PIAS2: variants seen among roughly 807,000 people sequenced by gnomAD.
The protein encoded by PIAS2 is E3 SUMO-protein ligase PIAS2.
A neutral mutation model predicts 69.7 loss-of-function variants in PIAS2; 19 were observed. The observed-to-expected ratio is 0.27, with a 90% CI of 0.19 to 0.40. The LOEUF (loss-of-function observed/expected upper bound fraction) is 0.40. Ranked by LOEUF, PIAS2 falls within the 10% of genes least tolerant of loss-of-function variation. The probability of loss-of-function intolerance (pLI) is 1.00; values close to 1 mark genes in which losing one functional copy is unlikely to be tolerated. For synonymous variants in PIAS2, 261 were observed against 263.2 expected (o/e 0.99, Z 0.08); for missense variants, 624 against 757.0 (o/e 0.82, Z 2.06).
chr18:46,905,211 T>C (rs2056441379), intron 1 of PIAS2, among the ~76,000 whole-genome samples: 1 of 152,090 alleles, frequency 6.6e-6, no homozygotes, highest in African/African-American at 2.4e-5. Flanking sequence ...CAAAATGCAA[T>C]TACAAATCAA....
rs548951733 is a variant in PIAS2 at position 46,874,871 on chromosome 18, G to A, written c.500-10623C>T. On this transcript the variant is annotated intron_variant, in intron 2 of 13. Coordinates refer to ENST00000585916, the MANE Select transcript of PIAS2 (RefSeq NM_004671.5). ...ATCAAAAGCTGGAAAGAAGGAAAAC[G>A]CGAACCAGCTTGGGAAGGACCCTAT... 1.4e-4 allele frequency among the ~76,000 whole-genome samples: 21 copies of A among 152,172 alleles called. No homozygotes were observed. The South Asian group carries it at 1.7e-3, about 12-fold the overall frequency.
At chr18:46,823,074 A>AC (rs2042359258) in intron 11 of PIAS2, among the ~76,000 whole-genome samples, 1 of 35,152 alleles carries the variant, frequency 2.8e-5, no homozygotes, top group South Asian at 7.2e-4. Flanking sequence ...TTGTATCTAC[A>AC]AAAAAAAAAA....
chr18:46,885,446 G>A (rs1252649478), intron 2 of PIAS2, among the ~76,000 whole-genome samples: 1 of 152,026 alleles, frequency 6.6e-6, no homozygotes, highest in Non-Finnish European at 1.5e-5. Flanking sequence ...GCTTGAACTT[G>A]GGAGGCGGAG....
At chr18:46,906,166 G>A (rs2056570802) in intron 1 of PIAS2, 1 of 151,840 alleles carries the variant, frequency 6.6e-6, no homozygotes, top group Admixed American at 6.6e-5. Context: ...ACTAAGAAAG[G>A]GAACATCCTT....
intron 2 of PIAS2, among the ~76,000 whole-genome samples, chr18:46,879,170 A>G (rs1568683924): frequency 6.6e-6 from 1 of 152,206 alleles, no homozygotes; most frequent in Non-Finnish European, 1.5e-5. Context: ...CTGCACTAAA[A>G]TAAAAGGGAG....
At chr18:46,881,393 T>C (rs1378566706) in intron 2 of PIAS2, among the ~76,000 whole-genome samples, 6 of 152,252 alleles carry the variant, frequency 3.9e-5, no homozygotes, top group African/African-American at 1.4e-4. Flanking sequence ...AATGGGATTA[T>C]AATTTAAAGC....
chr18:46,824,822 G>A (rs2042616536), intron 11 of PIAS2, among the ~76,000 whole-genome samples: 1 of 148,780 alleles, frequency 6.7e-6, no homozygotes, highest in Non-Finnish European at 1.5e-5. Context: ...GTGCAACATG[G>A]TAAAACCCCA....
chr18:46,856,011 T>TTG (rs1281047119), intron 3 of PIAS2, among the ~76,000 whole-genome samples: 15 of 129,572 alleles, frequency 1.2e-4, no homozygotes, highest in Non-Finnish European at 2.4e-4. Context: ...TTTTTTTTTT[T>TTG]TTTTTTTTTT....
At chr18:46,858,490 A>T (rs781243819) in intron 3 of PIAS2, among the ~76,000 whole-genome samples, 5 of 152,190 alleles carry the variant, frequency 3.3e-5, no homozygotes, top group Admixed American at 6.5e-5. Context: ...AGGTAGGTGG[A>T]GTTCAGGACC....
chr18:46,808,912 A>G lies in PIAS2; in HGVS notation c.*3521T>C, dbSNP rs2040840450. On this transcript the variant is annotated 3_prime_UTR_variant, in exon 14 of 14. Transcript: ENST00000585916. Reference sequence around the variant, plus strand: ...TAAATTAATGCTTTAAAAAAAATTGACTTTACTTAAAATACAAACAAACGT... The same window carrying G: ...TAAATTAATGCTTTAAAAAAAATTGGCTTTACTTAAAATACAAACAAACGT... The G allele has an allele frequency of 6.6e-6, 1 of 151,088 alleles. No individual in the cohort carries two copies. The highest frequency in any genetic ancestry group is 2.4e-5 in the African/African-American group (1 of 40,948). The allele number at this position is 151,088 out of a possible 1,614,324, so 9.4% of individuals were successfully genotyped here. A position where few individuals can be genotyped will look rare whatever the true frequency, so the allele number is the denominator to read the frequency against.
intron 11 of PIAS2, among the ~76,000 whole-genome samples, chr18:46,821,360 A>T (rs1482053548): frequency 1.3e-5 from 2 of 152,148 alleles, no homozygotes; most frequent in African/African-American, 2.4e-5. Flanking sequence ...CACAAATAGA[A>T]ATAGACATCA....
At position 46,844,828 on chromosome 18, in the gene PIAS2, CAT is replaced by C; in HGVS notation, c.871_872del (p.Met291ValfsTer23). ...WASEIGKNYS[M>X]SVYLVRQLTS... ...TAAGCTGCCGTACAAGATATACAGA[CAT>C]AGAGTAATTCTACAAACAAACAAAA... On this transcript the variant is annotated frameshift_variant, in exon 7 of 14. Transcript: ENST00000585916. LOFTEE classifies it high-confidence loss of function. 1 of 1,414,252 alleles carries C rather than the reference CAT, an allele frequency of 7.1e-7. No individual in the cohort carries two copies. Among genetic ancestry groups the C allele is most frequent in the Non-Finnish European group, 9.4e-7 (1 of 1,063,900 alleles). 87.6% of individuals were successfully genotyped at this position (1,414,252 alleles called of 1,614,324 possible). A position where few individuals can be genotyped will look rare whatever the true frequency, so the allele number is the denominator to read the frequency against.
intron 1 of PIAS2, among the ~76,000 whole-genome samples, chr18:46,900,819 C>A (rs1330700811): frequency 6.6e-6 from 1 of 151,356 alleles, no homozygotes; most frequent in African/African-American, 2.4e-5. Flanking sequence ...CCTAAAAATA[C>A]AAAAATTAGC....
chr18:46,878,675 C>T (rs1660684908), intron 2 of PIAS2, among the ~76,000 whole-genome samples: 1 of 152,190 alleles, frequency 6.6e-6, no homozygotes, highest in African/African-American at 2.4e-5. Flanking sequence ...TCGAGACCAG[C>T]CTGGCCAACA....
intron 1 of PIAS2, among the ~76,000 whole-genome samples, chr18:46,894,796 C>T (rs1229622426): frequency 1.3e-5 from 2 of 152,028 alleles, no homozygotes; most frequent in East Asian, 1.9e-4. Flanking sequence ...TTAGGCTGGG[C>T]GCGGTGGCTC....
chr18:46,899,258 T>C (rs943629581), intron 1 of PIAS2, among the ~76,000 whole-genome samples: 1 of 152,162 alleles, frequency 6.6e-6, no homozygotes, highest in African/African-American at 2.4e-5. Context: ...AGTAGAGGAT[T>C]TGCCATTTTA....
At chr18:46,815,443 T>A (rs1450579225) in intron 12 of PIAS2, 94 bp from the exon 13 acceptor site, 2 of 1,589,482 alleles carry the variant, frequency 1.3e-6, no homozygotes, top group African/African-American at 2.7e-5. Context: ...ACAAAACATT[T>A]GTGGTAAGTG....
intron 2 of PIAS2, among the ~76,000 whole-genome samples, chr18:46,871,503 A>G (rs1481774822): frequency 6.6e-6 from 1 of 152,214 alleles, no homozygotes; most frequent in African/African-American, 2.4e-5. Flanking sequence ...TTAAGAGAGA[A>G]TGTCCTGAAT....
At chr18:46,872,078 C>T (rs908422218) in intron 2 of PIAS2, among the ~76,000 whole-genome samples, 5 of 152,160 alleles carry the variant, frequency 3.3e-5, no homozygotes, top group African/African-American at 9.7e-5. Flanking sequence ...GGCCTAAAAC[C>T]TGTAGTCGAA....
Sources: allele counts gnomAD v4.1 joint callset (sites outside exome capture counted in the v4.1 genomes callset), GRCh38; gene constraint gnomAD v4.1.1; transcripts MANE v1.5; gene names NCBI Gene and HGNC (gene_info 2026-07-23, HGNC 2026-07-21).